TMEM117: variants seen among roughly 807,000 people sequenced by gnomAD.
TMEM117 encodes transmembrane protein 117.
In TMEM117, 27 loss-of-function variants were observed where a neutral mutation model predicts 52.4. The observed-to-expected ratio is 0.51, with a 90% confidence interval of 0.38 to 0.71. The LOEUF is 0.71. Ranked by LOEUF, TMEM117 falls within the 30% of genes least tolerant of loss-of-function variation. The pLI, the probability that TMEM117 is intolerant of heterozygous loss-of-function variation, is 0.00. For missense variants in TMEM117, 556 were observed against 630.5 expected, an observed-to-expected ratio of 0.88 and a Z score of 1.26; for synonymous variants, 215 against 206.3, an observed-to-expected ratio of 1.04 and a Z score of -0.36.
intron 5 of TMEM117, among the ~76,000 whole-genome samples, chr12:44,286,829 T>C (rs1318476243): frequency 6.6e-6 from 1 of 152,206 alleles, no homozygotes; most frequent in Non-Finnish European, 1.5e-5. Flanking sequence ...GATGATATTA[T>C]ATTTTTGAGA....
Position 44,052,406 on chromosome 12 carries a change from CA to C in TMEM117, c.411-91117del, listed in dbSNP as rs147639794. 2.8e-3 allele frequency among the ~76,000 whole-genome samples: 433 copies of C among 152,194 alleles called. 3 individuals carry two copies. Among genetic ancestry groups the C allele is most frequent in the African/African-American group, 9.8e-3 (405 of 41,512 alleles). ...ACTGGCTCCTGCAGAAAAGAAAGAA[CA>C]AGGAGGGTAAGGAACAGGAGAAGTC... On this transcript the variant is annotated intron_variant, in intron 3 of 7. Coordinates refer to ENST00000266534, the MANE Select transcript of TMEM117 (RefSeq NM_032256.3).
chr12:43,995,295 A>G (rs192165153), intron 3 of TMEM117, among the ~76,000 whole-genome samples: 144 of 151,932 alleles, frequency 9.5e-4, no homozygotes, highest in African/African-American at 3.4e-3. Flanking sequence ...TTTGCTGAAG[A>G]CCGCAGAGCT....
intron 5 of TMEM117, among the ~76,000 whole-genome samples, chr12:44,266,949 G>T (rs2138555702): frequency 6.6e-6 from 1 of 152,108 alleles, no homozygotes; most frequent in East Asian, 1.9e-4. Context: ...TTGCTTTTTG[G>T]ATTCTCAATT....
At chr12:44,099,609 A>G (rs536252383) in intron 3 of TMEM117, among the ~76,000 whole-genome samples, 4 of 152,178 alleles carry the variant, frequency 2.6e-5, no homozygotes, top group African/African-American at 7.2e-5. Context: ...TAATAAAGTG[A>G]TAAAACTAGA....
At chr12:44,231,393 A>ATTTTAGCTATTTCCCAT (rs1565617411) in intron 5 of TMEM117, among the ~76,000 whole-genome samples, 4 of 151,764 alleles carry the variant, frequency 2.6e-5, no homozygotes, top group Admixed American at 6.6e-5. Flanking sequence ...CTCGATGGGC[A>ATTTTAGCTATTTCCCAT]TTTTAGCTAT....
chr12:44,330,872 G>T (rs1951260550), intron 6 of TMEM117, among the ~76,000 whole-genome samples: 1 of 152,060 alleles, frequency 6.6e-6, no homozygotes, highest in Non-Finnish European at 1.5e-5. Flanking sequence ...CTGGATAGAA[G>T]TAGCAACAGG....
chr12:44,382,926 G>A (rs746726143), intron 7 of TMEM117, among the ~76,000 whole-genome samples: 2 of 152,156 alleles, frequency 1.3e-5, no homozygotes, highest in African/African-American at 2.4e-5. Context: ...ATGCTAACTC[G>A]TGAGCCCTGT....
intron 2 of TMEM117, among the ~76,000 whole-genome samples, chr12:43,862,917 A>G (rs1943514479): frequency 1.3e-5 from 2 of 152,068 alleles, no homozygotes; most frequent in Non-Finnish European, 2.9e-5. Flanking sequence ...CAGTGAGCTG[A>G]GATTACGCAC....
chr12:44,002,319 A>T (rs937844827), intron 3 of TMEM117, among the ~76,000 whole-genome samples: 2 of 152,184 alleles, frequency 1.3e-5, no homozygotes, highest in Non-Finnish European at 2.9e-5. Flanking sequence ...TCCCTAATGG[A>T]GGCCTTGGAG....
chr12:43,971,525 C>A (rs1190791404), intron 3 of TMEM117, among the ~76,000 whole-genome samples: 3 of 152,202 alleles, frequency 2.0e-5, no homozygotes. Flanking sequence ...ACCCCTTCAG[C>A]CCCTACCCTC....
At chr12:44,334,739 G>A (rs896238822) in intron 6 of TMEM117, among the ~76,000 whole-genome samples, 3 of 151,944 alleles carry the variant, frequency 2.0e-5, no homozygotes, top group South Asian at 2.1e-4. Context: ...TGCTCTCCAC[G>A]AGGAGTGGAA....
chr12:43,958,438 C>T (rs1223677050), intron 3 of TMEM117, among the ~76,000 whole-genome samples: 1 of 152,134 alleles, frequency 6.6e-6, no homozygotes, highest in Non-Finnish European at 1.5e-5. Context: ...AATATTAATA[C>T]ATCACTATGT....
intron 2 of TMEM117, among the ~76,000 whole-genome samples, chr12:43,875,617 C>G (rs902263958): frequency 2.0e-5 from 3 of 152,110 alleles, no homozygotes; most frequent in Non-Finnish European, 4.4e-5. Flanking sequence ...TTGCCTTTTC[C>G]TCTGACTGTG....
intron 2 of TMEM117, among the ~76,000 whole-genome samples, chr12:43,926,548 T>C (rs1944781523): frequency 6.6e-6 from 1 of 152,182 alleles, no homozygotes; most frequent in Non-Finnish European, 1.5e-5. Flanking sequence ...TATAAAATCT[T>C]AGGGAAGAAG....
chr12:44,035,268 A>T (rs921488529), intron 3 of TMEM117, among the ~76,000 whole-genome samples: 1 of 152,194 alleles, frequency 6.6e-6, no homozygotes, highest in South Asian at 2.1e-4. Flanking sequence ...CATTTTGAGA[A>T]ATCTGGATGG....
chr12:44,289,029 A>G (rs78898197), intron 5 of TMEM117, among the ~76,000 whole-genome samples: 7,190 of 152,254 alleles, frequency 0.047, 345 homozygotes, highest in African/African-American at 0.12. Flanking sequence ...TTCCCCACTC[A>G]TAATCCCTGA....
At chr12:43,885,963 A>G (rs1943986299) in intron 2 of TMEM117, among the ~76,000 whole-genome samples, 1 of 152,216 alleles carries the variant, frequency 6.6e-6, no homozygotes, top group South Asian at 2.1e-4. Context: ...AGATAATTAC[A>G]ACTAATGAGG....
intron 3 of TMEM117, among the ~76,000 whole-genome samples, chr12:44,013,065 C>T (rs905537431): frequency 6.6e-6 from 1 of 151,348 alleles, no homozygotes; most frequent in African/African-American, 2.4e-5. Context: ...CTTTGTCACC[C>T]AAGCTCATGT....
chr12:43,914,491 C>G (rs549962761), intron 2 of TMEM117, among the ~76,000 whole-genome samples: 1 of 152,064 alleles, frequency 6.6e-6, no homozygotes, highest in Non-Finnish European at 1.5e-5. Flanking sequence ...AACACTGTGC[C>G]GGGAATTCAG....
Sources: allele counts gnomAD v4.1 joint callset (sites outside exome capture counted in the v4.1 genomes callset), GRCh38; gene constraint gnomAD v4.1.1; transcripts MANE v1.5; gene names NCBI Gene and HGNC (gene_info 2026-07-23, HGNC 2026-07-21).